SLC16A12: variants seen among roughly 807,000 people sequenced by gnomAD.
SLC16A12 encodes monocarboxylate transporter 12.
In SLC16A12, 17 loss-of-function variants were observed where a neutral mutation model predicts 42.4. The ratio of observed to expected loss-of-function variants is 0.40; its 90% CI spans 0.27 to 0.60. The LOEUF (loss-of-function observed/expected upper bound fraction) is 0.60, where lower values mean the gene tolerates loss of function less well. SLC16A12 is among the 20% of genes least tolerant of loss of function. The probability of loss-of-function intolerance (pLI) is 0.42; values close to 1 mark genes in which losing one functional copy is unlikely to be tolerated. For synonymous variants in SLC16A12, 224 were observed against 229.4 expected (o/e 0.98, Z 0.21); for missense variants, 544 against 623.0 (o/e 0.87, Z 1.35).
chr10:89,537,318 C>G (rs1843683474), upstream of SLC16A12, among the ~76,000 whole-genome samples: 1 of 152,072 alleles, frequency 6.6e-6, no homozygotes, highest in Non-Finnish European at 1.5e-5. Flanking sequence ...ACTGGGATTA[C>G]AGGCTTGAGC....
chr10:89,438,471 G>A, intron 6 of SLC16A12, 133 bp downstream of exon 6: 2 of 826,704 alleles, frequency 2.4e-6, no homozygotes, highest in East Asian at 2.7e-5. Context: ...TACCAGCAAG[G>A]GAGATGCCTT....
At chr10:89,517,961 G>A (rs1843282760) in intron 2 of SLC16A12, among the ~76,000 whole-genome samples, 1 of 152,080 alleles carries the variant, frequency 6.6e-6, no homozygotes, top group African/African-American at 2.4e-5. Context: ...ATTAAAATAA[G>A]GAGGGAAAAA....
At chr10:89,435,923 GC>G in intron 7 of SLC16A12, 136 bp downstream of exon 7, 1 of 1,235,884 alleles carries the variant, frequency 8.1e-7, no homozygotes, top group Non-Finnish European at 1.1e-6. Flanking sequence ...GGTTTTGGGG[GC>G]TCTTATATCC....
At chr10:89,502,948 T>A (rs1024367358) in intron 2 of SLC16A12, among the ~76,000 whole-genome samples, 1 of 152,218 alleles carries the variant, frequency 6.6e-6, no homozygotes, top group Admixed American at 6.5e-5. Context: ...AGGAAACATG[T>A]GCGCTATCTA....
chr10:89,510,957 C>T (rs1241452166), intron 2 of SLC16A12, among the ~76,000 whole-genome samples: 4 of 152,172 alleles, frequency 2.6e-5, no homozygotes, highest in African/African-American at 9.7e-5. Flanking sequence ...GACATTTATG[C>T]AGCCAACAAA....
intron 2 of SLC16A12, among the ~76,000 whole-genome samples, chr10:89,487,755 T>C (rs1842779723): frequency 7.3e-6 from 1 of 137,266 alleles, no homozygotes; most frequent in Non-Finnish European, 1.5e-5. Context: ...GAGTTTGCTG[T>C]GAGCTGAGAT....
At chr10:89,446,570 T>C (rs1842004856) in intron 3 of SLC16A12, among the ~76,000 whole-genome samples, 1 of 152,196 alleles carries the variant, frequency 6.6e-6, no homozygotes, top group Non-Finnish European at 1.5e-5. Context: ...AGAGATTTTG[T>C]CACCACCAAG....
intron 2 of SLC16A12, among the ~76,000 whole-genome samples, chr10:89,554,099 A>AAGAAAGAAAGAAAGAAG (rs1564607192): frequency 6.9e-5 from 1 of 14,432 alleles, no homozygotes; most frequent in African/African-American, 2.9e-4. Flanking sequence ...AAAGAAAGAA[A>AAGAAAGAAAGAAAGAAG]GAAGGAAGGA....
In SLC16A12 at chr10:89,512,679, G is replaced by A. The variant is rs567632783; in HGVS notation, c.-47+21822C>T. ...GGGAATCTCCCGGACCTTGCCCTACGTACCTCTTCATCTGGCTGTTCATCT... is the reference window on the plus strand; with the variant it reads ...GGGAATCTCCCGGACCTTGCCCTACATACCTCTTCATCTGGCTGTTCATCT... On this transcript the variant is annotated intron_variant, in intron 2 of 7. Coordinates refer to ENST00000371790, the MANE Select transcript of SLC16A12 (RefSeq NM_213606.4). Among the ~76,000 whole-genome samples, 264 of 152,272 alleles carry A rather than the reference G, an allele frequency of 1.7e-3. 1 individual carries two copies. The highest frequency in any genetic ancestry group is 3.3e-3 in the Non-Finnish European group (222 of 68,022).
intron 2 of SLC16A12, among the ~76,000 whole-genome samples, chr10:89,531,196 C>G (rs1843546452): frequency 6.6e-6 from 1 of 151,770 alleles, no homozygotes; most frequent in South Asian, 2.1e-4. Flanking sequence ...TCGAGACCAG[C>G]CTTGCCAACA....
chr10:89,460,905 T>C (rs1950860450), intron 3 of SLC16A12, among the ~76,000 whole-genome samples: 1 of 152,158 alleles, frequency 6.6e-6, no homozygotes, highest in Non-Finnish European at 1.5e-5. Context: ...AACAAATCTG[T>C]AGTTTATTAT....
At chr10:89,467,123 C>A (rs1177576613) in intron 2 of SLC16A12, among the ~76,000 whole-genome samples, 2 of 152,226 alleles carry the variant, frequency 1.3e-5, no homozygotes, top group Non-Finnish European at 2.9e-5. Flanking sequence ...ATAGTCCTAG[C>A]TTCTTCTTAG....
chr10:89,550,641 G>A (rs1415731369), intron 2 of SLC16A12, among the ~76,000 whole-genome samples: 2 of 152,060 alleles, frequency 1.3e-5, no homozygotes, highest in Non-Finnish European at 2.9e-5. Flanking sequence ...GGCCCATAAT[G>A]TGTCATGGCC....
chr10:89,454,391 A>C lies in SLC16A12; in HGVS notation c.200+7988T>G, dbSNP rs75944895. ...CACCAGCACCTTTCTCTGGTACTGC[A>C]GCCAAAACCCTCCTAATCTTCCTGA... On this transcript the variant is annotated intron_variant, in intron 3 of 7. Coordinates refer to ENST00000371790, the MANE Select transcript of SLC16A12 (RefSeq NM_213606.4). 3.0e-4 allele frequency among the ~76,000 whole-genome samples: 45 copies of C among 152,198 alleles called. No individual in the cohort carries two copies. In the East Asian group the frequency reaches 7.9e-3, roughly 27 times the overall value.
chr10:89,523,643 C>CATTCA (rs1564599014), intron 2 of SLC16A12, among the ~76,000 whole-genome samples: 2 of 151,820 alleles, frequency 1.3e-5, no homozygotes, highest in East Asian at 1.9e-4. Context: ...GTCATCATTC[C>CATTCA]TTCATTCATT....
intron 6 of SLC16A12, among the ~76,000 whole-genome samples, chr10:89,437,076 T>C (rs1841812596): frequency 6.6e-6 from 1 of 152,226 alleles, no homozygotes; most frequent in South Asian, 2.1e-4. Context: ...GTCTACCTTA[T>C]TAGATACTTT....
chr10:89,480,445 C>T (rs760828373), intron 2 of SLC16A12, among the ~76,000 whole-genome samples: 8 of 152,154 alleles, frequency 5.3e-5, no homozygotes, highest in Non-Finnish European at 8.8e-5. Flanking sequence ...TAAATATTCA[C>T]ATATTAACAA....
At chr10:89,505,584 G>A (rs1468723692) in intron 2 of SLC16A12, among the ~76,000 whole-genome samples, 1 of 152,116 alleles carries the variant, frequency 6.6e-6, no homozygotes, top group African/African-American at 2.4e-5. Flanking sequence ...TGGACAGTGG[G>A]TGCAGCCCAC....
intron 2 of SLC16A12, among the ~76,000 whole-genome samples, chr10:89,492,733 T>G (rs963871504): frequency 3.3e-5 from 5 of 151,854 alleles, no homozygotes; most frequent in African/African-American, 1.2e-4. Context: ...CACCATGGAG[T>G]TTATATTCAC....
Sources: gnomAD v4.1 joint callset for allele counts (sites outside exome capture counted in the v4.1 genomes callset) on GRCh38, gnomAD v4.1.1 for gene constraint, MANE v1.5 for transcripts, NCBI Gene and HGNC (gene_info 2026-07-23, HGNC 2026-07-21) for gene names.